PPP1R14C: variants seen among roughly 807,000 people sequenced by gnomAD.
PPP1R14C encodes protein phosphatase 1 regulatory inhibitor subunit 14C, also known as protein phosphatase 1 regulatory subunit 14C.
Under a neutral mutation model 20.4 loss-of-function variants are expected in PPP1R14C, and 16 were observed. That is an observed-to-expected ratio of 0.78 (90% confidence interval 0.53 to 1.19). The LOEUF (loss-of-function observed/expected upper bound fraction) is 1.19. PPP1R14C is among the 50% of genes most tolerant of loss of function. PPP1R14C has a pLI of 0.00. For synonymous variants in PPP1R14C, 91 were observed against 91.0 expected (o/e 1.00, Z 0.00); for missense variants, 211 against 220.1 (o/e 0.96, Z 0.26).
At chr6:150,152,911 G>A (rs533989466) in intron 1 of PPP1R14C, among the ~76,000 whole-genome samples, 10 of 152,308 alleles carry the variant, frequency 6.6e-5, no homozygotes, top group African/African-American at 2.2e-4. Context: ...GGAGGACTTC[G>A]TGGAGGTCAT....
chr6:150,246,184 C>T (rs566432743), intron 3 of PPP1R14C, among the ~76,000 whole-genome samples: 10 of 151,952 alleles, frequency 6.6e-5, no homozygotes, highest in East Asian at 1.9e-4. Flanking sequence ...TCTGTAGGGT[C>T]GATTATTCCT....
chr6:150,232,862 G>A (rs1417402338), intron 3 of PPP1R14C, among the ~76,000 whole-genome samples: 1 of 152,224 alleles, frequency 6.6e-6, no homozygotes, highest in Non-Finnish European at 1.5e-5. Context: ...TTGAATATTT[G>A]TATTTGACTA....
intron 3 of PPP1R14C, among the ~76,000 whole-genome samples, chr6:150,235,388 C>A (rs1290513476): frequency 6.6e-6 from 1 of 152,240 alleles, no homozygotes; most frequent in Non-Finnish European, 1.5e-5. Flanking sequence ...CTACACCCAG[C>A]TGACGGAAAT....
intron 1 of PPP1R14C, among the ~76,000 whole-genome samples, chr6:150,171,966 C>G (rs1777504764): frequency 6.6e-6 from 1 of 152,028 alleles, no homozygotes; most frequent in Non-Finnish European, 1.5e-5. Flanking sequence ...CCACCATGCC[C>G]TGCTCTTTTT....
intron 1 of PPP1R14C, among the ~76,000 whole-genome samples, chr6:150,191,014 T>C (rs1221422721): frequency 6.6e-6 from 1 of 152,158 alleles, no homozygotes; most frequent in Non-Finnish European, 1.5e-5. Context: ...CACGGTTACC[T>C]CTCTGATCCC....
chr6:150,241,802 G>A (rs1040274869), intron 3 of PPP1R14C, among the ~76,000 whole-genome samples: 3 of 152,156 alleles, frequency 2.0e-5, no homozygotes, highest in East Asian at 1.9e-4. Flanking sequence ...CACAAGAATC[G>A]CTTGAACCCG....
At chr6:150,167,589 G>A (rs187749220) in intron 1 of PPP1R14C, among the ~76,000 whole-genome samples, 242 of 152,210 alleles carry the variant, frequency 1.6e-3, no homozygotes, top group Non-Finnish European at 2.5e-3. Flanking sequence ...CTAGGTATAC[G>A]TTCTGGGAGA....
intron 1 of PPP1R14C, among the ~76,000 whole-genome samples, chr6:150,159,014 T>TG (rs746456955): frequency 6.1e-4 from 92 of 152,016 alleles, no homozygotes; most frequent in Non-Finnish European, 1.1e-3. Flanking sequence ...TCTTCATTTT[T>TG]GGGGGGGCAG....
Position 150,209,782 on chromosome 6 carries a change from CATGT to C in PPP1R14C, c.307-4961_307-4958del, listed in dbSNP as rs767649358. The stretch of plus-strand genomic sequence containing the variant: ...TTGTATATATATTTGTGTGTGCATG[CATGT>C]GAGTGAGTAGTGTGGAGTGTTTATA... On this transcript the variant is annotated intron_variant, in intron 1 of 3. Coordinates refer to ENST00000361131, the MANE Select transcript of PPP1R14C (RefSeq NM_030949.3). Among the ~76,000 whole-genome samples the C allele has an allele frequency of 2.0e-4, 26 of 127,548 alleles. 2 individuals are homozygous for C. The highest frequency in any genetic ancestry group is 1.6e-3 in the Admixed American group (20 of 12,576). The allele number at this position is 127,548 out of a possible 152,430, so 83.7% of individuals were successfully genotyped here.
intron 1 of PPP1R14C, among the ~76,000 whole-genome samples, chr6:150,214,417 C>A (rs1024822997): frequency 5.9e-5 from 9 of 152,142 alleles, no homozygotes; most frequent in Admixed American, 2.0e-4. Flanking sequence ...CTTTGTGACT[C>A]TTAATTCTCC....
chr6:150,175,477 T>C lies in PPP1R14C; in HGVS notation c.306+31979T>C, dbSNP rs73605990. Among the ~76,000 whole-genome samples the C allele has an allele frequency of 2.7e-3, 409 of 152,354 alleles. 2 individuals are homozygous for C. The highest frequency in any genetic ancestry group is 9.2e-3 in the African/African-American group (381 of 41,584). On this transcript the variant is annotated intron_variant, in intron 1 of 3. Transcript: ENST00000361131. ...TTTGGGAAAGTGAATCTGTTAATAT[T>C]GTGAGTCCTTATAAATATTTAACTC...
chr6:150,186,690 G>T (rs1777680243), intron 1 of PPP1R14C, among the ~76,000 whole-genome samples: 1 of 152,192 alleles, frequency 6.6e-6, no homozygotes, highest in Non-Finnish European at 1.5e-5. Flanking sequence ...GTCAGGGCCT[G>T]AGGCGGGGGA....
At chr6:150,186,840 G>A (rs1422290894) in intron 1 of PPP1R14C, among the ~76,000 whole-genome samples, 1 of 152,198 alleles carries the variant, frequency 6.6e-6, no homozygotes, top group African/African-American at 2.4e-5. Flanking sequence ...GGCAAAGCTG[G>A]AGAAGTTGCT....
chr6:150,211,597 G>T lies in PPP1R14C; in HGVS notation c.307-3147G>T, dbSNP rs889507633. On this transcript the variant is annotated intron_variant, in intron 1 of 3. Transcript: ENST00000361131. ...ACTGCTCTAAGATCAGCATACAGAA[G>T]ATAAAGTTAAATAGGACTTCAATCA... is the stretch of plus-strand genomic sequence containing the variant. 6.6e-5 allele frequency among the ~76,000 whole-genome samples: 10 copies of T among 152,282 alleles called. No individual in the cohort carries two copies. In the East Asian group the frequency reaches 1.7e-3, roughly 26 times the overall value.
At chr6:150,247,304 A>G (rs1479054021) in intron 3 of PPP1R14C, among the ~76,000 whole-genome samples, 1 of 152,176 alleles carries the variant, frequency 6.6e-6, no homozygotes, top group Non-Finnish European at 1.5e-5. Flanking sequence ...TCGCTTGCTG[A>G]TCAGAAAGTC....
intron 1 of PPP1R14C, among the ~76,000 whole-genome samples, chr6:150,187,748 G>T (rs1777694957): frequency 6.6e-6 from 1 of 152,196 alleles, no homozygotes; most frequent in South Asian, 2.1e-4. Context: ...TAGTGCTGCA[G>T]TGAACATACA....
chr6:150,171,736 G>T (rs1401945319), intron 1 of PPP1R14C, among the ~76,000 whole-genome samples: 1 of 152,198 alleles, frequency 6.6e-6, no homozygotes, highest in African/African-American at 2.4e-5. Flanking sequence ...TGAATTTAAA[G>T]ATCACAGAAC....
chr6:150,217,007 C>G lies in PPP1R14C; in HGVS notation c.423+151C>G, dbSNP rs978268306. On this transcript the variant is annotated intron_variant, in intron 3 of 3. Coordinates refer to ENST00000361131, the MANE Select transcript of PPP1R14C (RefSeq NM_030949.3). The stretch of plus-strand genomic sequence containing the variant: ...CATGAGTGCATATGTTTGAATAGCT[C>G]TAACTTCATTATTTCTAAGCCTAAA... The G allele has an allele frequency of 2.8e-5, 16 of 580,594 alleles. No individual in the cohort carries two copies. The Admixed American group carries it at 3.2e-4, about 12-fold the overall frequency. The allele number at this position is 580,594 out of a possible 1,614,324, so 36.0% of individuals were successfully genotyped here. A position where few individuals can be genotyped will look rare whatever the true frequency, so the allele number is the denominator to read the frequency against.
At chr6:150,145,802 C>T (rs1777174143) in intron 1 of PPP1R14C, among the ~76,000 whole-genome samples, 1 of 152,208 alleles carries the variant, frequency 6.6e-6, no homozygotes, top group South Asian at 2.1e-4. Context: ...GCCAATTTCC[C>T]AGCCTTCAAA....
Sources: gnomAD v4.1 joint callset for allele counts (sites outside exome capture counted in the v4.1 genomes callset) on GRCh38, gnomAD v4.1.1 for gene constraint, MANE v1.5 for transcripts, NCBI Gene and HGNC (gene_info 2026-07-23, HGNC 2026-07-21) for gene names.